The following RIOK3 variants were observed in gnomAD, a reference collection of about 807,000 sequenced individuals.
The protein encoded by RIOK3 is RIO kinase 3.
Under a neutral mutation model 63.5 loss-of-function variants are expected in RIOK3, and 40 were observed. The ratio of observed to expected loss-of-function variants is 0.63; its 90% CI spans 0.49 to 0.82. RIOK3 has a LOEUF of 0.82. Among genes scored for constraint, RIOK3 ranks in the 40% least tolerant of loss-of-function variants. The pLI is 0.00. For synonymous variants in RIOK3, 193 were observed against 205.0 expected, an observed-to-expected ratio of 0.94 and a Z score of 0.50; for missense variants, 557 against 637.0, an observed-to-expected ratio of 0.87 and a Z score of 1.35.
chr18:23,464,518 G>A lies in RIOK3; in HGVS notation c.434-1G>A. On this transcript the variant is annotated splice_acceptor_variant, in intron 4 of 12. Coordinates refer to ENST00000339486, the MANE Select transcript of RIOK3 (RefSeq NM_003831.5). LOFTEE classifies it high-confidence loss of function. ...ACCTGGCTTATTTCAATTGCCTTTAGCAAAACCGGTTCCCACTCCTAAAAA... is the reference window on the plus strand; with the variant it reads ...ACCTGGCTTATTTCAATTGCCTTTAACAAAACCGGTTCCCACTCCTAAAAA... 6.3e-7 allele frequency: 1 copy of A among 1,589,226 alleles called. No homozygotes were observed. The highest frequency in any genetic ancestry group is 8.6e-7 in the Non-Finnish European group (1 of 1,169,454).
At chr18:23,480,553 A>ACGCG (rs1306124747) in intron 12 of RIOK3, among the ~76,000 whole-genome samples, 3 of 120,998 alleles carry the variant, frequency 2.5e-5, no homozygotes, top group African/African-American at 8.4e-5. Flanking sequence ...ACTTGGATGC[A>ACGCG]CGCACACACA....
chr18:23,467,392 C>T lies in RIOK3; in HGVS notation c.688-7C>T. ...CATTTTCACTTACAGTGCTTTATCT[C>T]TTGCAGGAAAAAGCAGTTGATCCTA... On this transcript the variant is annotated splice_polypyrimidine_tract_variant and splice_region_variant and intron_variant, in intron 6 of 12. Transcript: ENST00000339486. 1 of 1,609,384 alleles carries T rather than the reference C, an allele frequency of 6.2e-7. No individual in the cohort carries two copies. Among genetic ancestry groups the T allele is most frequent in the African/African-American group, 1.3e-5 (1 of 74,824 alleles).
At position 23,464,245 on chromosome 18, in the gene RIOK3, A is replaced by C. The variant is rs775907070; in HGVS notation, c.365A>C (p.Tyr122Ser). ...GAAAATTATCGAAAAGTGCATCCTT[A>C]TGAAGACAGCGATAGCTCTGAAGAT... The part of the protein sequence containing the change: ...SFENYRKVHP[Y>S]EDSDSSEDEV... Residue 122 changes from tyrosine (Y) to serine (S), a missense_variant, in exon 4 of 13, where the codon TAT (tyrosine) becomes TCT (serine). Physicochemically the swap from Tyr to Ser is moderately radical, Grantham distance 144. Coordinates refer to ENST00000339486, the MANE Select transcript of RIOK3 (RefSeq NM_003831.5). 1 of 1,614,188 alleles carries C rather than the reference A, an allele frequency of 6.2e-7. No individual in the cohort carries two copies. Among genetic ancestry groups the C allele is most frequent in the South Asian group, 1.1e-5 (1 of 91,088 alleles).
chr18:23,464,469 A>T (rs1302716195), intron 4 of RIOK3, 50 bp from the exon 5 acceptor site: 1 of 1,299,870 alleles, frequency 7.7e-7, no homozygotes, highest in Non-Finnish European at 1.1e-6. Flanking sequence ...GAATGCAGCA[A>T]TGTAGTCTTT....
At chr18:23,475,719 A>G (rs1448709904) in intron 9 of RIOK3, among the ~76,000 whole-genome samples, 1 of 152,172 alleles carries the variant, frequency 6.6e-6, no homozygotes, top group African/African-American at 2.4e-5. Flanking sequence ...TTGTGAAAGA[A>G]TGTTAACACT....
chr18:23,460,810 A>G (rs2057368758), intron 1 of RIOK3, among the ~76,000 whole-genome samples: 1 of 152,224 alleles, frequency 6.6e-6, no homozygotes, highest in Non-Finnish European at 1.5e-5. Flanking sequence ...TCCAGATGAT[A>G]GAAAGCTTCA....
In RIOK3 at chr18:23,481,935, A is replaced by T. The variant is rs2057537842; in HGVS notation, c.*656A>T. On this transcript the variant is annotated 3_prime_UTR_variant, in exon 13 of 13. Coordinates refer to ENST00000339486, the MANE Select transcript of RIOK3 (RefSeq NM_003831.5). ...GGCATCATAGGTTTCTGAAAGAGAT[A>T]ACTATATAACAGCTTTTTAACTATC... 6.6e-6 allele frequency: 1 copy of T among 152,238 alleles called. No individual in the cohort carries two copies. The highest frequency in any genetic ancestry group is 1.5e-5 in the Non-Finnish European group (1 of 68,044). The allele number at this position is 152,238 out of a possible 1,614,324, so 9.4% of individuals were successfully genotyped here. A position where few individuals can be genotyped will look rare whatever the true frequency, so the allele number is the denominator to read the frequency against.
Position 23,481,447 on chromosome 18 carries a change from G to T in RIOK3, c.*168G>T. ...CCAGATGTGTGGAATTTTTAGCTCA[G>T]CATTGAGAGAATAAAATGTCACTAC... On this transcript the variant is annotated 3_prime_UTR_variant, in exon 13 of 13. Transcript: ENST00000339486. 2.0e-6 allele frequency: 1 copy of T among 503,660 alleles called. No individual in the cohort carries two copies. 31.2% of individuals were successfully genotyped at this position (503,660 alleles called of 1,614,324 possible). A position where few individuals can be genotyped will look rare whatever the true frequency, so the allele number is the denominator to read the frequency against.
rs1023301677 is a variant in RIOK3 at position 23,453,419 on chromosome 18, T to A, written c.-21T>A. The stretch of plus-strand genomic sequence containing the variant: ...TCCTGCCACCTCTCTGCTCTGTTCT[T>A]GTCTCTGCCTTCATTCCCGAATGGA... On this transcript the variant is annotated 5_prime_UTR_variant, in exon 1 of 13. Transcript: ENST00000339486. The A allele has an allele frequency of 9.9e-6, 16 of 1,608,460 alleles. No homozygotes were observed. Among genetic ancestry groups the A allele is most frequent in the Non-Finnish European group, 1.2e-5 (14 of 1,175,276 alleles).
intron 7 of RIOK3, among the ~76,000 whole-genome samples, chr18:23,471,173 G>C (rs1162449118): frequency 1.3e-5 from 2 of 152,066 alleles, no homozygotes; most frequent in Non-Finnish European, 2.9e-5. Flanking sequence ...ATGCTATGCA[G>C]ATAGTTAAAA....
Position 23,482,111 on chromosome 18 carries a change from G to A in RIOK3, c.*832G>A, listed in dbSNP as rs2057539011. On this transcript the variant is annotated 3_prime_UTR_variant, in exon 13 of 13. Coordinates refer to ENST00000339486, the MANE Select transcript of RIOK3 (RefSeq NM_003831.5). The stretch of plus-strand genomic sequence containing the variant: ...TTTGACGTATTTTAATTTAGTTAAT[G>A]AAGCAAAATTCAGTTTATATTTCAC... 6.6e-6 allele frequency: 1 copy of A among 152,154 alleles called. No homozygotes were observed. The highest frequency in any genetic ancestry group is 1.5e-5 in the Non-Finnish European group (1 of 68,014). The allele number at this position is 152,154 out of a possible 1,614,324, so 9.4% of individuals were successfully genotyped here. A position where few individuals can be genotyped will look rare whatever the true frequency, so the allele number is the denominator to read the frequency against.
In RIOK3 at chr18:23,481,457, A is replaced by G. The variant is rs2057534148; in HGVS notation, c.*178A>G. 1 of 493,232 alleles carries G rather than the reference A, an allele frequency of 2.0e-6. No homozygotes were observed. Among genetic ancestry groups the G allele is most frequent in the African/African-American group, 2.0e-5 (1 of 49,830 alleles). 30.6% of individuals were successfully genotyped at this position (493,232 alleles called of 1,614,324 possible). A position where few individuals can be genotyped will look rare whatever the true frequency, so the allele number is the denominator to read the frequency against. ...GGAATTTTTAGCTCAGCATTGAGAGAATAAAATGTCACTACCTCTCATCTT... is the reference window on the plus strand; with the variant it reads ...GGAATTTTTAGCTCAGCATTGAGAGGATAAAATGTCACTACCTCTCATCTT... On this transcript the variant is annotated 3_prime_UTR_variant, in exon 13 of 13. Transcript: ENST00000339486.
At chr18:23,460,470 G>A (rs76678272) in intron 1 of RIOK3, among the ~76,000 whole-genome samples, 4,026 of 152,254 alleles carry the variant, frequency 0.026, 60 homozygotes, top group Middle Eastern at 0.061. Context: ...TAAAAGAAAA[G>A]CCTTTGTGTA....
At chr18:23,455,229 G>T (rs528139194) in intron 1 of RIOK3, among the ~76,000 whole-genome samples, 11 of 151,678 alleles carry the variant, frequency 7.3e-5, no homozygotes, top group African/African-American at 2.7e-4. Flanking sequence ...CTGCCACCAC[G>T]CCCAGCTGAT....
chr18:23,475,629 T>C (rs979619897), intron 9 of RIOK3, among the ~76,000 whole-genome samples: 15 of 152,154 alleles, frequency 9.9e-5, no homozygotes, highest in African/African-American at 3.6e-4. Flanking sequence ...CAAGACCCTA[T>C]GTCTTAAAAA....
intron 11 of RIOK3, among the ~76,000 whole-genome samples, chr18:23,478,398 A>G (rs893126416): frequency 4.6e-5 from 7 of 151,978 alleles, no homozygotes; most frequent in African/African-American, 9.7e-5. Context: ...TGAGACTCCT[A>G]TCTCTACAAA....
At chr18:23,479,818 C>G (rs1567901556) in intron 12 of RIOK3, among the ~76,000 whole-genome samples, 1 of 152,150 alleles carries the variant, frequency 6.6e-6, no homozygotes, top group Non-Finnish European at 1.5e-5. Context: ...CTCAAGGGAT[C>G]CACCCACCTT....
chr18:23,468,459 C>T lies in RIOK3; in HGVS notation c.815+933C>T, dbSNP rs190694292. On this transcript the variant is annotated intron_variant, in intron 7 of 12. Transcript: ENST00000339486. ...CTGGGATTACAGGCACGCACCACCA[C>T]GCCTGGCTAATTTGTGTGTTTTTAG... Among the ~76,000 whole-genome samples, 286 of 151,992 alleles carry T rather than the reference C, an allele frequency of 1.9e-3. 1 individual carries two copies. Among genetic ancestry groups the T allele is most frequent in the African/African-American group, 6.5e-3 (271 of 41,460 alleles).
intron 12 of RIOK3, among the ~76,000 whole-genome samples, chr18:23,479,739 G>A (rs915928604): frequency 2.0e-5 from 3 of 151,990 alleles, no homozygotes; most frequent in African/African-American, 7.3e-5. Flanking sequence ...ACCATGCTTG[G>A]CTAATTTTTG....
Sources: allele counts gnomAD v4.1 joint callset (sites outside exome capture counted in the v4.1 genomes callset), GRCh38; gene constraint gnomAD v4.1.1; transcripts MANE v1.5; gene names NCBI Gene and HGNC (gene_info 2026-07-23, HGNC 2026-07-21).